TP63: variants seen among roughly 807,000 people sequenced by gnomAD.
The protein encoded by TP63 is tumor protein 63.
TP63 carries 17 observed loss-of-function variants against 82.8 expected under a neutral mutation model. That is an observed-to-expected ratio of 0.21 (90% CI 0.14 to 0.31). The LOEUF is 0.31. Among genes scored for constraint, TP63 ranks in the 10% least tolerant of loss-of-function variants. The pLI is 1.00. For missense variants in TP63, 648 were observed against 895.3 expected (o/e 0.72, Z 3.52); for synonymous variants, 330 against 321.7 (o/e 1.03, Z -0.28).
intron 4 of TP63, among the ~76,000 whole-genome samples, chr3:189,831,267 A>G (rs1712290314): frequency 6.6e-6 from 1 of 152,090 alleles, no homozygotes; most frequent in South Asian, 2.1e-4. Flanking sequence ...TTTCTTAAAT[A>G]TTTCTACTTG....
chr3:189,741,752 C>T (rs1038292232), intron 3 of TP63, among the ~76,000 whole-genome samples: 25 of 152,138 alleles, frequency 1.6e-4, no homozygotes, highest in Non-Finnish European at 3.7e-4. Context: ...AATGGAATCA[C>T]CATGTTTTGC....
intron 4 of TP63, among the ~76,000 whole-genome samples, chr3:189,827,816 G>A (rs1711635987): frequency 1.3e-5 from 2 of 152,190 alleles, no homozygotes; most frequent in Non-Finnish European, 1.5e-5. Flanking sequence ...CAAGTGTTAA[G>A]AAAACATGGA....
chr3:189,864,089 C>T (rs921722483), intron 4 of TP63, 143 bp from the exon 5 acceptor site: 37 of 1,020,914 alleles, frequency 3.6e-5, no homozygotes, highest in African/African-American at 7.9e-5. Flanking sequence ...CATTGACATA[C>T]GTCACATCTA....
chr3:189,770,803 G>GT (rs1371432223), intron 3 of TP63, among the ~76,000 whole-genome samples: 2 of 152,196 alleles, frequency 1.3e-5, no homozygotes, highest in African/African-American at 4.8e-5. Context: ...CTCTTGAAAT[G>GT]TATCAGTCAC....
intron 4 of TP63, among the ~76,000 whole-genome samples, chr3:189,839,402 A>G (rs1320562252): frequency 6.6e-6 from 1 of 152,194 alleles, no homozygotes; most frequent in Non-Finnish European, 1.5e-5. Context: ...GAAAAATAGT[A>G]AAGTGTGGTT....
intron 5 of TP63, among the ~76,000 whole-genome samples, chr3:189,864,773 G>C (rs920610869): frequency 6.6e-6 from 1 of 152,132 alleles, no homozygotes; most frequent in African/African-American, 2.4e-5. Flanking sequence ...TTGCGAGGCC[G>C]AGGTGGGCAG....
At chr3:189,853,491 C>T (rs1303574736) in intron 4 of TP63, among the ~76,000 whole-genome samples, 2 of 152,228 alleles carry the variant, frequency 1.3e-5, no homozygotes, top group African/African-American at 2.4e-5. Context: ...GTACTTGGAA[C>T]ACTATCTCTC....
intron 1 of TP63, among the ~76,000 whole-genome samples, chr3:189,691,338 C>CAAAAAAAAAAA (rs781098833): frequency 1.5e-3 from 98 of 67,050 alleles, no homozygotes; most frequent in East Asian, 2.9e-3. Flanking sequence ...GACTCCATCT[C>CAAAAAAAAAAA]AAAAAAAAAA....
intron 3 of TP63, among the ~76,000 whole-genome samples, chr3:189,745,621 C>T (rs903241802): frequency 1.4e-5 from 2 of 145,032 alleles, no homozygotes; most frequent in Non-Finnish European, 3.0e-5. Context: ...ATAGGAGAAT[C>T]GCTTGAACCC....
intron 1 of TP63, among the ~76,000 whole-genome samples, chr3:189,732,810 A>T (rs1259944772): frequency 1.3e-5 from 2 of 152,218 alleles, no homozygotes; most frequent in Non-Finnish European, 2.9e-5. Flanking sequence ...GCTGAGAGAG[A>T]GATGTTTCAC....
chr3:189,791,829 G>T (rs1261716811), intron 3 of TP63, among the ~76,000 whole-genome samples: 1 of 152,036 alleles, frequency 6.6e-6, no homozygotes, highest in Non-Finnish European at 1.5e-5. Context: ...TATATGAAAT[G>T]CCTGGCACCA....
At chr3:189,847,038 C>T (rs1220555048) in intron 4 of TP63, among the ~76,000 whole-genome samples, 1 of 152,090 alleles carries the variant, frequency 6.6e-6, no homozygotes, top group Non-Finnish European at 1.5e-5. Flanking sequence ...ACTGCGTTCT[C>T]TAAGAGATTT....
intron 10 of TP63, among the ~76,000 whole-genome samples, chr3:189,874,250 T>G (rs1718770715): frequency 1.3e-5 from 2 of 152,092 alleles, no homozygotes; most frequent in Non-Finnish European, 2.9e-5. Context: ...TTTGTATTTT[T>G]TAGTAGAGAT....
At chr3:189,860,012 G>T (rs977484720) in intron 4 of TP63, among the ~76,000 whole-genome samples, 2 of 152,176 alleles carry the variant, frequency 1.3e-5, no homozygotes, top group African/African-American at 4.8e-5. Flanking sequence ...AATTGGAACA[G>T]GAATGGAAAT....
chr3:189,605,522 A>C, the TP63 span, among the ~76,000 whole-genome samples: 3 of 152,172 alleles, frequency 2.0e-5, no homozygotes, highest in Non-Finnish European at 4.4e-5. Context: ...CAATTTCCAG[A>C]ATTGTTAAAA....
intron 10 of TP63, chr3:189,880,674 TA>T (rs1355933219): frequency 1.0e-6 from 1 of 985,372 alleles, no homozygotes; most frequent in African/African-American, 1.7e-5. Context: ...CAGACCCTTT[TA>T]ATGCTGGTCA....
At chr3:189,858,424 A>G (rs201560184) in intron 4 of TP63, among the ~76,000 whole-genome samples, 1 of 13,814 alleles carries the variant, frequency 7.2e-5, no homozygotes, top group Admixed American at 3.6e-4. Flanking sequence ...AAAAAAAAAA[A>G]AAAAAGAAAA....
chr3:189,842,081 G>A (rs1233899685), intron 4 of TP63, among the ~76,000 whole-genome samples: 1 of 152,162 alleles, frequency 6.6e-6, no homozygotes, highest in East Asian at 1.9e-4. Context: ...AGGCAGTTGG[G>A]AGTAGCAAGC....
At chr3:189,826,434 T>G (rs1729356611) in intron 4 of TP63, among the ~76,000 whole-genome samples, 1 of 152,196 alleles carries the variant, frequency 6.6e-6, no homozygotes, top group African/African-American at 2.4e-5. Context: ...TGTGTATATT[T>G]TTTGTTTTAT....
Sources: allele counts gnomAD v4.1 joint callset (sites outside exome capture counted in the v4.1 genomes callset), GRCh38; gene constraint gnomAD v4.1.1; transcripts MANE v1.5; gene names NCBI Gene and HGNC (gene_info 2026-07-23, HGNC 2026-07-21).